Variants in ARHGAP24 observed in about 807,000 individuals in gnomAD.
ARHGAP24 encodes the protein rho GTPase-activating protein 24.
In ARHGAP24, 50 loss-of-function variants were observed where a neutral mutation model predicts 76.4. The observed-to-expected ratio is 0.65, with a 90% CI of 0.52 to 0.83. The LOEUF is 0.83. ARHGAP24 is among the 40% of genes least tolerant of loss of function. The pLI is 0.00. For synonymous variants in ARHGAP24, 345 were observed against 323.3 expected, an observed-to-expected ratio of 1.07 and a Z score of -0.72; for missense variants, 930 against 914.2, an observed-to-expected ratio of 1.02 and a Z score of -0.22.
At chr4:85,592,075 T>C (rs1374346005) in intron 2 of ARHGAP24, among the ~76,000 whole-genome samples, 3 of 152,156 alleles carry the variant, frequency 2.0e-5, no homozygotes, top group East Asian at 1.9e-4. Context: ...ACTCCCACTG[T>C]TCCTTCCCTC....
At chr4:85,655,818 A>AGAGAGAGAGAAAGAGAGAG (rs1237643654) in intron 2 of ARHGAP24, among the ~76,000 whole-genome samples, 4 of 35,518 alleles carry the variant, frequency 1.1e-4, no homozygotes, top group African/African-American at 3.0e-4. Flanking sequence ...GAGAGAGAGA[A>AGAGAGAGAGAAAGAGAGAG]AGAGAGAGAG....
chr4:85,743,874 T>G (rs977162662), intron 3 of ARHGAP24, among the ~76,000 whole-genome samples: 1 of 152,198 alleles, frequency 6.6e-6, no homozygotes, highest in Non-Finnish European at 1.5e-5. Flanking sequence ...AATTAGCAAC[T>G]ACTAAGTTGT....
intron 2 of ARHGAP24, among the ~76,000 whole-genome samples, chr4:85,632,085 A>G (rs911545034): frequency 6.6e-6 from 1 of 151,812 alleles, no homozygotes; most frequent in Non-Finnish European, 1.5e-5. Context: ...CATATATATT[A>G]TTTTACAGAC....
At chr4:85,578,443 T>G (rs560213494) in intron 2 of ARHGAP24, among the ~76,000 whole-genome samples, 3 of 152,318 alleles carry the variant, frequency 2.0e-5, no homozygotes, top group African/African-American at 7.2e-5. Context: ...TGAGACCATT[T>G]TCACACTCAT....
At chr4:85,517,004 C>T (rs1450613015) in intron 1 of ARHGAP24, among the ~76,000 whole-genome samples, 2 of 152,076 alleles carry the variant, frequency 1.3e-5, no homozygotes, top group Non-Finnish European at 2.9e-5. Context: ...TTTCCAGTTT[C>T]CCCAACCTCA....
intron 1 of ARHGAP24, among the ~76,000 whole-genome samples, chr4:85,550,936 A>G (rs749265233): frequency 1.3e-5 from 2 of 152,080 alleles, no homozygotes; most frequent in Non-Finnish European, 2.9e-5. Flanking sequence ...TGGGGCTGAT[A>G]CAACAAGGTT....
intron 2 of ARHGAP24, among the ~76,000 whole-genome samples, chr4:85,585,111 CCCACT>C (rs1305970541): frequency 6.6e-6 from 1 of 152,210 alleles, no homozygotes; most frequent in Admixed American, 6.5e-5. Context: ...GCAGGTGGTT[CCCACT>C]TTTAGTTGTT....
chr4:85,873,441 T>G (rs1162675991), intron 3 of ARHGAP24, among the ~76,000 whole-genome samples: 6 of 152,164 alleles, frequency 3.9e-5, no homozygotes, highest in Admixed American at 6.5e-5. Flanking sequence ...ATTCAGCAAA[T>G]ACTGGGAATT....
chr4:85,990,534 G>A (rs1740260888), intron 8 of ARHGAP24: 1 of 151,668 alleles, frequency 6.6e-6, no homozygotes, highest in South Asian at 2.1e-4. Context: ...TCAAGACTTA[G>A]TATAAAGTCA....
intron 2 of ARHGAP24, among the ~76,000 whole-genome samples, chr4:85,662,657 C>T (rs1158039477): frequency 4.0e-5 from 6 of 151,860 alleles, no homozygotes; most frequent in South Asian, 2.1e-4. Context: ...TTAGGTCTAA[C>T]GTTTAAGTCT....
intron 2 of ARHGAP24, among the ~76,000 whole-genome samples, chr4:85,634,756 A>G (rs900343724): frequency 6.6e-6 from 1 of 151,840 alleles, no homozygotes; most frequent in Non-Finnish European, 1.5e-5. Flanking sequence ...ACTTCAATGC[A>G]TGGACCAAAA....
intron 5 of ARHGAP24, among the ~76,000 whole-genome samples, chr4:85,967,692 A>G (rs1738706617): frequency 6.6e-6 from 1 of 152,110 alleles, no homozygotes; most frequent in Non-Finnish European, 1.5e-5. Flanking sequence ...TTGATTATGT[A>G]TCTTACCTTC....
intron 5 of ARHGAP24, among the ~76,000 whole-genome samples, chr4:85,960,134 A>G (rs192649965): frequency 2.6e-4 from 40 of 152,338 alleles, no homozygotes; most frequent in African/African-American, 9.4e-4. Flanking sequence ...CTTATATTCC[A>G]ACATAGAAGT....
At chr4:85,498,535 G>A (rs1283988345) in intron 1 of ARHGAP24, among the ~76,000 whole-genome samples, 1 of 152,174 alleles carries the variant, frequency 6.6e-6, no homozygotes, top group African/African-American at 2.4e-5. Flanking sequence ...CTAACTCCCT[G>A]CCCCAAATGG....
rs183532267 is a variant in ARHGAP24, at chr4:85,918,763, A to G, written c.269-4885A>G. On this transcript the variant is annotated intron_variant, in intron 3 of 9. Coordinates refer to ENST00000395184, the MANE Select transcript of ARHGAP24 (RefSeq NM_001025616.3). Reference sequence around the variant, plus strand: ...ATAGCATATCTCAACAAAATGTACAAATACCTTCAATTAGATATAAACAAG... The same window carrying G: ...ATAGCATATCTCAACAAAATGTACAGATACCTTCAATTAGATATAAACAAG... Among the ~76,000 whole-genome samples the G allele has an allele frequency of 1.1e-3, 161 of 152,322 alleles. 1 individual carries two copies. The highest frequency in any genetic ancestry group is 1.8e-3 in the Non-Finnish European group (124 of 68,012).
intron 3 of ARHGAP24, among the ~76,000 whole-genome samples, chr4:85,897,912 T>C (rs1350500249): frequency 6.6e-6 from 1 of 151,724 alleles, no homozygotes; most frequent in African/African-American, 2.4e-5. Flanking sequence ...GCTGCGTCCA[T>C]TGTGAGTTGA....
At chr4:85,879,937 G>A (rs1733149905) in intron 3 of ARHGAP24, among the ~76,000 whole-genome samples, 1 of 151,960 alleles carries the variant, frequency 6.6e-6, no homozygotes, top group East Asian at 1.9e-4. Flanking sequence ...CCTCCCATGC[G>A]CAGTTCACAA....
At chr4:85,977,949 TGTAAA>T (rs1411193614) in intron 8 of ARHGAP24, among the ~76,000 whole-genome samples, 1 of 152,246 alleles carries the variant, frequency 6.6e-6, no homozygotes, top group African/African-American at 2.4e-5. Context: ...ATAAATCATA[TGTAAA>T]GTATTCAAGA....
chr4:85,983,899 G>T (rs917313841), intron 8 of ARHGAP24, among the ~76,000 whole-genome samples: 5 of 152,126 alleles, frequency 3.3e-5, no homozygotes, highest in Admixed American at 6.6e-5. Flanking sequence ...TCTGAGGGTA[G>T]AATTAACTCT....
Sources: gnomAD v4.1 joint callset for allele counts (sites outside exome capture counted in the v4.1 genomes callset) on GRCh38, gnomAD v4.1.1 for gene constraint, MANE v1.5 for transcripts, NCBI Gene and HGNC (gene_info 2026-07-23, HGNC 2026-07-21) for gene names.